Variants in ACVR1C observed in about 807,000 individuals in gnomAD.
ACVR1C encodes activin A receptor type 1C, also known as activin receptor type-1C.
A neutral mutation model predicts 57.9 loss-of-function variants in ACVR1C; 23 were observed. The ratio of observed to expected loss-of-function variants is 0.40; its 90% CI spans 0.29 to 0.56. The LOEUF (loss-of-function observed/expected upper bound fraction) is 0.56, where lower values mean the gene tolerates loss of function less well. Ranked by LOEUF, ACVR1C falls within the 20% of genes least tolerant of loss-of-function variation. ACVR1C has a pLI of 0.50. For synonymous variants in ACVR1C, 214 were observed against 215.3 expected (o/e 0.99, Z 0.05); for missense variants, 480 against 607.9 (o/e 0.79, Z 2.21).
chr2:157,583,971 G>A (rs1688852266), intron 2 of ACVR1C, among the ~76,000 whole-genome samples: 1 of 152,126 alleles, frequency 6.6e-6, no homozygotes, highest in African/African-American at 2.4e-5. Context: ...CTCAGGACAT[G>A]AAACTAGTAA....
Position 157,532,471 on chromosome 2 carries a change from A to T in ACVR1C, c.*1447T>A, listed in dbSNP as rs955542235. The T allele has an allele frequency of 6.6e-5, 10 of 152,036 alleles. No individual in the cohort carries two copies. The highest frequency in any genetic ancestry group is 2.0e-4 in the Admixed American group (3 of 15,244). The allele number at this position is 152,036 out of a possible 1,614,324, so 9.4% of individuals were successfully genotyped here. ...ACTATCACTTTATAAGCAAGTACCAAAGAACACTTTTGGTCTTGGATCATC... is the reference window on the plus strand; with the variant it reads ...ACTATCACTTTATAAGCAAGTACCATAGAACACTTTTGGTCTTGGATCATC... On this transcript the variant is annotated 3_prime_UTR_variant, in exon 9 of 9. Coordinates refer to ENST00000243349, the MANE Select transcript of ACVR1C (RefSeq NM_145259.3).
chr2:157,586,881 C>A (rs536708671), intron 2 of ACVR1C, among the ~76,000 whole-genome samples: 75 of 152,232 alleles, frequency 4.9e-4, no homozygotes, highest in African/African-American at 1.7e-3. Context: ...ATCTCAATTT[C>A]TTTTTAAAAA....
intron 1 of ACVR1C, among the ~76,000 whole-genome samples, chr2:157,625,922 A>G (rs1319191075): frequency 2.6e-5 from 4 of 152,124 alleles, no homozygotes; most frequent in Non-Finnish European, 5.9e-5. Flanking sequence ...ACATCAAGGC[A>G]TCCAGAACCT....
In ACVR1C at chr2:157,556,307, T is replaced by G; in HGVS notation, c.330A>C (p.Gly110=). ...TAATAATGATGGCCAGCTCCATGGGTCCAAGTTTTGGGGCATTTGGTGATG... is the reference window on the plus strand; with the variant it reads ...TAATAATGATGGCCAGCTCCATGGGGCCAAGTTTTGGGGCATTTGGTGATG... ...PTASPNAPKL[G]PMELAIIITV... The change falls in exon 3 of 9, where the codon GGA becomes GGC. Residue 110 remains glycine (G), a synonymous_variant. Coordinates refer to ENST00000243349, the MANE Select transcript of ACVR1C (RefSeq NM_145259.3). 6.2e-7 allele frequency: 1 copy of G among 1,614,118 alleles called. No individual in the cohort carries two copies.
chr2:157,608,078 G>T (rs1029581206), intron 1 of ACVR1C, among the ~76,000 whole-genome samples: 2 of 151,766 alleles, frequency 1.3e-5, no homozygotes, highest in African/African-American at 4.8e-5. Context: ...TAGAGGAAAG[G>T]CTTTCAATTT....
At chr2:157,583,282 AG>A (rs1688833950) in intron 2 of ACVR1C, among the ~76,000 whole-genome samples, 2 of 152,234 alleles carry the variant, frequency 1.3e-5, no homozygotes, top group Admixed American at 6.5e-5. Flanking sequence ...CATTCACACT[AG>A]CATCAAAAAC....
intron 2 of ACVR1C, among the ~76,000 whole-genome samples, chr2:157,572,309 A>G (rs959766969): frequency 2.7e-5 from 4 of 148,114 alleles, no homozygotes; most frequent in East Asian, 2.0e-4. Context: ...TGGCACATGT[A>G]TACATATGTA....
At chr2:157,575,104 A>G (rs998287073) in intron 2 of ACVR1C, among the ~76,000 whole-genome samples, 4 of 150,454 alleles carry the variant, frequency 2.7e-5, no homozygotes, top group Non-Finnish European at 5.9e-5. Flanking sequence ...TGGGACTACA[A>G]GTGTGCACCA....
rs990787469 is a variant in ACVR1C at position 157,532,934 on chromosome 2, G to C, written c.*984C>G. ...TTTCAGACAATGAATATTTATGTTT[G>C]ATTAATCTTTGGAAGTGTTCAGAAA... On this transcript the variant is annotated 3_prime_UTR_variant, in exon 9 of 9. Transcript: ENST00000243349. 1 of 152,072 alleles carries C rather than the reference G, an allele frequency of 6.6e-6. No individual in the cohort carries two copies. The highest frequency in any genetic ancestry group is 2.1e-4 in the South Asian group (1 of 4,820). The allele number at this position is 152,072 out of a possible 1,614,324, so 9.4% of individuals were successfully genotyped here.
intron 1 of ACVR1C, 53 bp downstream of exon 1, chr2:157,628,519 C>T: frequency 6.4e-7 from 1 of 1,573,776 alleles, no homozygotes; most frequent in Non-Finnish European, 8.6e-7. Flanking sequence ...CACCCGCAGA[C>T]CTCCTCCCAG....
At chr2:157,627,241 C>T (rs1682917148) in intron 1 of ACVR1C, among the ~76,000 whole-genome samples, 1 of 152,162 alleles carries the variant, frequency 6.6e-6, no homozygotes, top group African/African-American at 2.4e-5. Flanking sequence ...TTGTCAAGAG[C>T]ACTTTCAGTA....
At chr2:157,542,679 C>T (rs1459278109) in intron 6 of ACVR1C, 27 bp downstream of exon 6, 2 of 1,602,608 alleles carry the variant, frequency 1.2e-6, no homozygotes, top group South Asian at 2.2e-5. Flanking sequence ...TCACATCTTA[C>T]TATGCTACCC....
At position 157,527,111 on chromosome 2, in the gene ACVR1C, A is replaced by G. The variant is rs1347068699; in HGVS notation, c.*6807T>C. ...ATATTACTATAAAATGCATATTTTC[A>G]CAGACTAGAAATTAATGAAACATCT... On this transcript the variant is annotated 3_prime_UTR_variant, in exon 9 of 9. Coordinates refer to ENST00000243349, the MANE Select transcript of ACVR1C (RefSeq NM_145259.3). The G allele has an allele frequency of 6.6e-6, 1 of 152,152 alleles. No individual in the cohort carries two copies. The highest frequency in any genetic ancestry group is 1.5e-5 in the Non-Finnish European group (1 of 68,010). 9.4% of individuals were successfully genotyped at this position (152,152 alleles called of 1,614,324 possible).
chr2:157,582,991 C>T (rs1316045217), intron 2 of ACVR1C, among the ~76,000 whole-genome samples: 2 of 152,118 alleles, frequency 1.3e-5, no homozygotes, highest in Non-Finnish European at 2.9e-5. Context: ...CAGCAATTCT[C>T]CCGCCTCAGC....
chr2:157,541,286 T>G (rs1687620986), intron 6 of ACVR1C, 72 bp from the exon 7 acceptor site: 3 of 1,475,308 alleles, frequency 2.0e-6, no homozygotes, highest in African/African-American at 2.9e-5. Flanking sequence ...CTTAATAAAT[T>G]AAGATAGCTT....
Position 157,550,415 on chromosome 2 carries a change from T to C in ACVR1C, c.545-23A>G, listed in dbSNP as rs369389337. 8.1e-6 allele frequency: 13 copies of C among 1,597,088 alleles called. No homozygotes were observed. The African/African-American group carries it at 1.5e-4, about 18-fold the overall frequency. ...GACCTAACCAAAGAAAAGATGGAAT[T>C]GATAATTAAACACAAATGTCAGAAA... On this transcript the variant is annotated intron_variant, in intron 3 of 8. Coordinates refer to ENST00000243349, the MANE Select transcript of ACVR1C (RefSeq NM_145259.3).
At chr2:157,626,640 C>G (rs1252777028) in intron 1 of ACVR1C, among the ~76,000 whole-genome samples, 1 of 152,178 alleles carries the variant, frequency 6.6e-6, no homozygotes, top group African/African-American at 2.4e-5. Flanking sequence ...GTTGGCTAAC[C>G]ATGTCATAAA....
intron 1 of ACVR1C, among the ~76,000 whole-genome samples, chr2:157,625,453 A>G (rs1052003765): frequency 1.3e-5 from 2 of 152,118 alleles, no homozygotes; most frequent in Admixed American, 1.3e-4. Flanking sequence ...TCAACCAATA[A>G]ATGACTATGC....
At chr2:157,539,930 A>G (rs1463112602) in intron 7 of ACVR1C, among the ~76,000 whole-genome samples, 1 of 152,284 alleles carries the variant, frequency 6.6e-6, no homozygotes, top group Non-Finnish European at 1.5e-5. Flanking sequence ...TTTTAACCTT[A>G]GAAGCTTTGC....
Sources: allele counts gnomAD v4.1 joint callset (sites outside exome capture counted in the v4.1 genomes callset), GRCh38; gene constraint gnomAD v4.1.1; transcripts MANE v1.5; gene names NCBI Gene and HGNC (gene_info 2026-07-23, HGNC 2026-07-21).